MCTP1: variants seen among roughly 807,000 people sequenced by gnomAD.
MCTP1 encodes multiple C2 and transmembrane domain-containing protein 1.
Under a neutral mutation model 120.6 loss-of-function variants are expected in MCTP1, and 69 were observed. The observed-to-expected ratio is 0.57, with a 90% CI of 0.47 to 0.70. MCTP1 has a LOEUF of 0.70. Ranked by LOEUF, MCTP1 falls within the 30% of genes least tolerant of loss-of-function variation. The probability of loss-of-function intolerance (pLI) is 0.00; values close to 1 mark genes in which losing one functional copy is unlikely to be tolerated. For missense variants in MCTP1, 1,203 were observed against 1,248.8 expected, an observed-to-expected ratio of 0.96 and a Z score of 0.55; for synonymous variants, 529 against 493.1, an observed-to-expected ratio of 1.07 and a Z score of -0.96.
rs56915525 is a variant in MCTP1, at chr5:95,228,470, AAG to A, written c.720+55384_720+55385del. Among the ~76,000 whole-genome samples, 149 of 147,368 alleles carry A rather than the reference AAG, an allele frequency of 1.0e-3. 1 individual carries two copies. Among genetic ancestry groups the A allele is most frequent in the Admixed American group, 1.8e-3 (27 of 14,792 alleles). The stretch of plus-strand genomic sequence containing the variant: ...CTTAGAAAAACTTCCATGCAGCCAA[AAG>A]AGAGAGAGAGAGAGAGAGAGCGAGA... On this transcript the variant is annotated intron_variant, in intron 1 of 22. Transcript: ENST00000515393.
At chr5:94,950,926 G>A (rs909289503) in intron 3 of MCTP1, among the ~76,000 whole-genome samples, 3 of 143,970 alleles carry the variant, frequency 2.1e-5, no homozygotes, top group South Asian at 2.2e-4. Context: ...CAGCCTGGGC[G>A]ACAGAGCAAG....
At chr5:95,122,268 C>A (rs1758300270) in intron 1 of MCTP1, among the ~76,000 whole-genome samples, 1 of 148,968 alleles carries the variant, frequency 6.7e-6, no homozygotes, top group African/African-American at 2.4e-5. Flanking sequence ...GGTTAATAAT[C>A]AGAATATATA....
chr5:94,799,919 G>A (rs1006468078), intron 17 of MCTP1, among the ~76,000 whole-genome samples: 12 of 152,022 alleles, frequency 7.9e-5, no homozygotes, highest in African/African-American at 2.2e-4. Context: ...ACCCCCACCC[G>A]ACACCAGCCT....
chr5:94,972,571 C>G (rs1396544867), intron 2 of MCTP1, among the ~76,000 whole-genome samples: 3 of 152,096 alleles, frequency 2.0e-5, no homozygotes, highest in Non-Finnish European at 4.4e-5. Context: ...GAGATGGAAA[C>G]CACACAGTGA....
At chr5:94,986,896 T>C (rs1830519130) in intron 2 of MCTP1, among the ~76,000 whole-genome samples, 1 of 152,090 alleles carries the variant, frequency 6.6e-6, no homozygotes, top group South Asian at 2.1e-4. Flanking sequence ...GGTTTCAGGA[T>C]CCACATGCAC....
chr5:94,724,049 AAC>A (rs1761554378), intron 19 of MCTP1, among the ~76,000 whole-genome samples: 1 of 152,210 alleles, frequency 6.6e-6, no homozygotes, highest in African/African-American at 2.4e-5. Context: ...TCTGGTCAGA[AAC>A]ACAAATGACA....
rs138843302 is a variant in MCTP1 at position 94,928,486 on chromosome 5, A to G, written c.1212+3467T>C. Among the ~76,000 whole-genome samples, 273 of 152,264 alleles carry G rather than the reference A, an allele frequency of 1.8e-3. 2 individuals carry two copies. Among genetic ancestry groups the G allele is most frequent in the African/African-American group, 6.1e-3 (252 of 41,566 alleles). On this transcript the variant is annotated intron_variant, in intron 6 of 22. Coordinates refer to ENST00000515393, the MANE Select transcript of MCTP1 (RefSeq NM_024717.7). ...CACTACCATTTCTCTGCTAAAACAC[A>G]TTTTGTCACATAAGTGTAACTCTTT...
At chr5:94,800,843 G>T (rs928144454) in intron 17 of MCTP1, among the ~76,000 whole-genome samples, 2 of 151,970 alleles carry the variant, frequency 1.3e-5, no homozygotes, top group African/African-American at 4.8e-5. Context: ...ATAGATTCAA[G>T]TTCCTGCATA....
chr5:95,127,514 A>T (rs1758724697), intron 1 of MCTP1, among the ~76,000 whole-genome samples: 1 of 152,112 alleles, frequency 6.6e-6, no homozygotes, highest in South Asian at 2.1e-4. Flanking sequence ...AGTCTTGGGC[A>T]ACTTGGAAGA....
intron 1 of MCTP1, among the ~76,000 whole-genome samples, chr5:95,055,722 T>C (rs570176450): frequency 7.9e-5 from 12 of 152,328 alleles, no homozygotes; most frequent in Admixed American, 3.9e-4. Flanking sequence ...TTGCCTGTGT[T>C]GCATACTAGC....
intron 17 of MCTP1, 80 bp from the exon 18 acceptor site, chr5:94,799,212 AAAAACAC>A: frequency 7.6e-7 from 1 of 1,308,884 alleles, no homozygotes; most frequent in Non-Finnish European, 1.1e-6. Context: ...ACTCTACTTC[AAAAACAC>A]AAAACCAAAT....
intron 1 of MCTP1, among the ~76,000 whole-genome samples, chr5:95,174,907 T>C (rs1410086287): frequency 6.6e-6 from 1 of 152,254 alleles, no homozygotes; most frequent in Non-Finnish European, 1.5e-5. Context: ...TCTTACATAA[T>C]GTTAGCCATA....
At chr5:95,217,542 T>G (rs937679689) in intron 1 of MCTP1, among the ~76,000 whole-genome samples, 10 of 152,144 alleles carry the variant, frequency 6.6e-5, no homozygotes, top group African/African-American at 2.4e-4. Context: ...GAATGTGAGG[T>G]CATAATCTCT....
At chr5:95,094,447 C>T (rs190822748) in intron 1 of MCTP1, among the ~76,000 whole-genome samples, 1 of 152,316 alleles carries the variant, frequency 6.6e-6, no homozygotes, top group East Asian at 1.9e-4. Context: ...ATAATGGAAT[C>T]TTGACTCATA....
At chr5:95,001,734 A>C (rs933663875) in intron 2 of MCTP1, among the ~76,000 whole-genome samples, 29 of 152,190 alleles carry the variant, frequency 1.9e-4, no homozygotes, top group African/African-American at 7.0e-4. Flanking sequence ...AGCAGAGCAT[A>C]AAAGTTTGGA....
At chr5:94,722,333 G>A (rs574351689) in intron 19 of MCTP1, among the ~76,000 whole-genome samples, 6 of 152,190 alleles carry the variant, frequency 3.9e-5, no homozygotes, top group African/African-American at 9.6e-5. Flanking sequence ...TTTTCCTGCC[G>A]AGCTGTGTCC....
rs192090830 is a variant in MCTP1, at chr5:95,141,804, G to T, written c.721-124320C>A. Among the ~76,000 whole-genome samples, 395 of 152,122 alleles carry T rather than the reference G, an allele frequency of 2.6e-3. 2 individuals carry two copies. Among genetic ancestry groups the T allele is most frequent in the Non-Finnish European group, 4.8e-3 (327 of 68,006 alleles). On this transcript the variant is annotated intron_variant, in intron 1 of 22. Coordinates refer to ENST00000515393, the MANE Select transcript of MCTP1 (RefSeq NM_024717.7). Reference sequence around the variant, plus strand: ...AAAAACATAAAATATGTTTAGAGCAGGATTTTTATTAATGTAGTTCAGACA... The same window carrying T: ...AAAAACATAAAATATGTTTAGAGCATGATTTTTATTAATGTAGTTCAGACA...
intron 1 of MCTP1, among the ~76,000 whole-genome samples, chr5:95,084,995 T>G (rs1755318395): frequency 6.6e-6 from 1 of 152,140 alleles, no homozygotes; most frequent in Non-Finnish European, 1.5e-5. Context: ...GTTGACAAAC[T>G]GATGTCTGTT....
intron 1 of MCTP1, among the ~76,000 whole-genome samples, chr5:95,237,164 C>T (rs1217590372): frequency 6.6e-6 from 1 of 152,078 alleles, no homozygotes; most frequent in Non-Finnish European, 1.5e-5. Context: ...TCTGCCAGGC[C>T]ATTTGCAGGG....
Sources: gnomAD v4.1 joint callset for allele counts (sites outside exome capture counted in the v4.1 genomes callset) on GRCh38, gnomAD v4.1.1 for gene constraint, MANE v1.5 for transcripts, NCBI Gene and HGNC (gene_info 2026-07-23, HGNC 2026-07-21) for gene names.